COQ8A: variants seen among roughly 807,000 people sequenced by gnomAD.
COQ8A encodes the protein coenzyme Q8A.
Under a neutral mutation model 65.0 loss-of-function variants are expected in COQ8A, and 51 were observed. The ratio of observed to expected loss-of-function variants is 0.78; its 90% confidence interval spans 0.63 to 0.99. The LOEUF is 0.99. Ranked by LOEUF, COQ8A falls within the 50% of genes least tolerant of loss-of-function variation. The probability of loss-of-function intolerance (pLI) is 0.00; values close to 1 mark genes in which losing one functional copy is unlikely to be tolerated. For missense variants in COQ8A, 940 were observed against 875.0 expected (o/e 1.07, Z -0.94); for synonymous variants, 371 against 353.2 (o/e 1.05, Z -0.57).
At chr1:226,944,731 GA>G (rs1656907928) in intron 1 of COQ8A, among the ~76,000 whole-genome samples, 1 of 36,136 alleles carries the variant, frequency 2.8e-5, no homozygotes, top group South Asian at 1.6e-3. Context: ...GAGAGAGAGA[GA>G]GAGAGAGAGA....
At chr1:226,965,523 G>A (rs879053011) in intron 3 of COQ8A, 113 bp downstream of exon 3, 2 of 1,520,610 alleles carry the variant, frequency 1.3e-6, no homozygotes, top group Admixed American at 1.9e-5. Context: ...GTTTTTAGGA[G>A]CGTGGTGGCC....
At chr1:226,958,327 T>A (rs1408904952) in intron 1 of COQ8A, 1 of 152,254 alleles carries the variant, frequency 6.6e-6, no homozygotes, top group East Asian at 1.9e-4. Flanking sequence ...CCCAGAGCCC[T>A]TCCGTACTGA....
intron 1 of COQ8A, among the ~76,000 whole-genome samples, chr1:226,954,758 C>T (rs1312102929): frequency 2.0e-5 from 3 of 152,192 alleles, no homozygotes; most frequent in East Asian, 1.9e-4. Flanking sequence ...GCATGGTGTT[C>T]GGTGCTGGAG....
At chr1:226,985,070 A>G in intron 13 of COQ8A, 129 bp downstream of exon 13, 2 of 1,340,400 alleles carry the variant, frequency 1.5e-6, no homozygotes, top group Non-Finnish European at 1.1e-6. Flanking sequence ...CCTGCCCCTC[A>G]GGTCTGGTGA....
intron 1 of COQ8A, among the ~76,000 whole-genome samples, chr1:226,942,595 A>C (rs1229620329): frequency 6.6e-6 from 1 of 152,178 alleles, no homozygotes; most frequent in Non-Finnish European, 1.5e-5. Context: ...TGCTTTATTC[A>C]TCCTCACTTT....
chr1:226,943,378 G>T (rs1270996270), intron 1 of COQ8A, among the ~76,000 whole-genome samples: 1 of 152,230 alleles, frequency 6.6e-6, no homozygotes, highest in Admixed American at 6.5e-5. Flanking sequence ...GGGAGAGCCA[G>T]TGGAAAGGAG....
intron 14 of COQ8A, 139 bp downstream of exon 14, chr1:226,985,479 C>A: frequency 2.2e-6 from 2 of 928,020 alleles, no homozygotes; most frequent in Non-Finnish European, 3.4e-6. Flanking sequence ...GGTCTGAAAG[C>A]TGGGGCCCAC....
chr1:226,983,916 A>G, intron 10 of COQ8A, 62 bp downstream of exon 10: 1 of 1,577,478 alleles, frequency 6.3e-7, no homozygotes, highest in Middle Eastern at 2.3e-4. Context: ...GACCATGTTC[A>G]GCAGCTGGTG....
chr1:226,983,504 C>T, intron 8 of COQ8A, 48 bp from the exon 9 acceptor site: 1 of 1,563,744 alleles, frequency 6.4e-7, no homozygotes, highest in Non-Finnish European at 8.8e-7. Context: ...AGGCAGGGCC[C>T]ACCCGTCTCC....
intron 7 of COQ8A, 24 bp from the exon 8 acceptor site, chr1:226,982,870 C>T: frequency 6.2e-7 from 1 of 1,612,696 alleles, no homozygotes; most frequent in South Asian, 1.1e-5. Flanking sequence ...ATGCTCAGAG[C>T]CCCTCCCTGG....
At chr1:226,944,789 G>A (rs1455863196) in intron 1 of COQ8A, among the ~76,000 whole-genome samples, 1 of 139,478 alleles carries the variant, frequency 7.2e-6, no homozygotes, top group Admixed American at 7.1e-5. Context: ...GAGAGAGAGA[G>A]AGTGTGTGTG....
At position 226,965,703 on chromosome 1, in the gene COQ8A, T is replaced by C; in HGVS notation, c.621T>C (p.Pro207=). The change falls in exon 4 of 15, where the codon CCT becomes CCC. Residue 207 remains proline (P), a synonymous_variant. Transcript: ENST00000366777. ...LSEHARERKV[P]VTRIGRLANF... is the part of the protein sequence containing the mutation. ...AGCATGCCCGGGAGCGGAAGGTGCC[T>C]GTGACGAGGATTGGCCGGCTGGCCA... is the stretch of plus-strand genomic sequence containing the variant. 6.2e-7 allele frequency: 1 copy of C among 1,614,000 alleles called. No homozygotes were observed. Among genetic ancestry groups the C allele is most frequent in the Non-Finnish European group, 8.5e-7 (1 of 1,180,016 alleles).
In COQ8A at chr1:226,983,619, A is replaced by G; in HGVS notation, c.1148A>G (p.Asn383Ser). Residue 383 changes from asparagine (N) to serine (S), a missense_variant, in exon 9 of 15, where the codon AAC becomes AGC. Physicochemically the swap from Asn to Ser is conservative, Grantham distance 46. Transcript: ENST00000366777. Reference protein sequence around the residue: ...NNLMAVLNMSNMLPEGLFPEH... With the variant: ...NNLMAVLNMSSMLPEGLFPEH... ...CTCATGGCCGTGTTGAACATGAGCA[A>G]CATGCTTCCAGAAGGTCTGAGGCTA... The G allele has an allele frequency of 1.2e-6, 2 of 1,613,994 alleles. No individual in the cohort carries two copies. Among genetic ancestry groups the G allele is most frequent in the Non-Finnish European group, 1.7e-6 (2 of 1,180,012 alleles).
In COQ8A at chr1:226,961,287, C is replaced by G. The variant is rs115656234; in HGVS notation, c.-9-90C>G. Reference sequence around the variant, plus strand: ...CAGTGGAAAAACCAGCCCTCTGGACCTTCTGCTCAGAGTTTGGTGTGGAGT... The same window carrying G: ...CAGTGGAAAAACCAGCCCTCTGGACGTTCTGCTCAGAGTTTGGTGTGGAGT... On this transcript the variant is annotated intron_variant, in intron 1 of 14. Transcript: ENST00000366777. The G allele has an allele frequency of 4.8e-4, 679 of 1,420,338 alleles. 5 individuals carry two copies. The African/African-American group carries it at 8.5e-3, about 18-fold the overall frequency. 88.0% of individuals were successfully genotyped at this position (1,420,338 alleles called of 1,614,324 possible).
rs1231984441 is a variant in COQ8A, at chr1:226,972,560, C to G, written c.656-4889C>G. Among the ~76,000 whole-genome samples the G allele has an allele frequency of 6.6e-6, 1 of 152,142 alleles. No individual in the cohort carries two copies. The highest frequency in any genetic ancestry group is 6.5e-5 in the Admixed American group (1 of 15,278). ...GGGTTTCCTAAGAGGTAAGGTAACT[C>G]TCTTATGTTAGAAAACAGGCATTGC... On this transcript the variant is annotated intron_variant, in intron 4 of 14. Coordinates refer to ENST00000366777, the MANE Select transcript of COQ8A (RefSeq NM_020247.5). This position sits in a 1 kb window ranked among gnomAD's most constrained non-coding sequence, Gnocchi z 4.3.
rs1658941116 is a variant in COQ8A at position 226,972,082 on chromosome 1, T to A, written c.656-5367T>A. On this transcript the variant is annotated intron_variant, in intron 4 of 14. Coordinates refer to ENST00000366777, the MANE Select transcript of COQ8A (RefSeq NM_020247.5). The surrounding 1 kb of genome is among the most constrained non-coding windows in gnomAD (Gnocchi z 4.3). ...TTGCAGGTTTAGAGGAGATGACTTA[T>A]CTCCTCTGTACCTATACATTGAGAA... Among the ~76,000 whole-genome samples, 1 of 152,186 alleles carries A rather than the reference T, an allele frequency of 6.6e-6. No individual in the cohort carries two copies. The highest frequency in any genetic ancestry group is 1.5e-5 in the Non-Finnish European group (1 of 68,042).
chr1:226,980,049 C>T (rs560391938), intron 5 of COQ8A, among the ~76,000 whole-genome samples: 90 of 152,334 alleles, frequency 5.9e-4, no homozygotes, highest in African/African-American at 2.1e-3. Flanking sequence ...GCATTGTTAG[C>T]CCTGAGAGGG....
chr1:226,961,293 C>G, intron 1 of COQ8A, 84 bp from the exon 2 acceptor site: 2 of 1,462,118 alleles, frequency 1.4e-6, no homozygotes, highest in South Asian at 2.3e-5. Context: ...GGACCTTCTG[C>G]TCAGAGTTTG....
chr1:226,982,297 C>T, intron 6 of COQ8A, 148 bp downstream of exon 6: 1 of 1,245,112 alleles, frequency 8.0e-7, no homozygotes, highest in Non-Finnish European at 1.1e-6. Context: ...TAGGCCTGGT[C>T]TCCAGACGGG....
Sources: allele counts gnomAD v4.1 joint callset (sites outside exome capture counted in the v4.1 genomes callset), GRCh38; gene constraint gnomAD v4.1.1; non-coding constraint Gnocchi (gnomAD v3.1); transcripts MANE v1.5; gene names NCBI Gene and HGNC (gene_info 2026-07-23, HGNC 2026-07-21).